The following IGF1R variants were observed in gnomAD, a reference collection of about 807,000 sequenced individuals.
IGF1R encodes insulin-like growth factor 1 receptor.
A neutral mutation model predicts 144.6 loss-of-function variants in IGF1R; 44 were observed. That is an observed-to-expected ratio of 0.30 (90% CI 0.24 to 0.39). The LOEUF (loss-of-function observed/expected upper bound fraction) is 0.39, where lower values mean the gene tolerates loss of function less well. Among genes scored for constraint, IGF1R ranks in the 10% least tolerant of loss-of-function variants. IGF1R has a pLI of 1.00. For missense variants in IGF1R, 1,355 were observed against 1,833.7 expected, an observed-to-expected ratio of 0.74 and a Z score of 4.77; for synonymous variants, 795 against 722.8, an observed-to-expected ratio of 1.10 and a Z score of -1.60.
rs532194947 is a variant in IGF1R, at chr15:98,787,591, G to A, written c.640+79484G>A. Among the ~76,000 whole-genome samples, 7 of 151,930 alleles carry A rather than the reference G, an allele frequency of 4.6e-5. No individual in the cohort carries two copies. In the South Asian group the frequency reaches 1.5e-3, roughly 32 times the overall value. On this transcript the variant is annotated intron_variant, in intron 2 of 20. Coordinates refer to ENST00000650285, the MANE Select transcript of IGF1R (RefSeq NM_000875.5). The stretch of plus-strand genomic sequence containing the variant: ...TTAAAACAGAGACCTCTCACCCTAG[G>A]TCTCTTAAAACAGAGACCTTAAAAC...
At chr15:98,867,133 CT>C (rs901848825) in intron 2 of IGF1R, among the ~76,000 whole-genome samples, 2 of 148,098 alleles carry the variant, frequency 1.4e-5, no homozygotes, top group African/African-American at 5.0e-5. Flanking sequence ...GTAAAACTTC[CT>C]TGTGCCAGGA....
chr15:98,746,692 G>A (rs2054874683), intron 2 of IGF1R, among the ~76,000 whole-genome samples: 1 of 152,178 alleles, frequency 6.6e-6, no homozygotes, highest in Non-Finnish European at 1.5e-5. Context: ...CATTGTTCAA[G>A]TCACAAGGTC....
intron 2 of IGF1R, among the ~76,000 whole-genome samples, chr15:98,822,725 GAAATAA>G (rs1003254200): frequency 2.0e-5 from 3 of 152,170 alleles, no homozygotes; most frequent in Non-Finnish European, 1.5e-5. Context: ...ATGGAAGACA[GAAATAA>G]AAATCAGAAT....
At chr15:98,789,755 CTG>C (rs2056087321) in intron 2 of IGF1R, among the ~76,000 whole-genome samples, 1 of 152,124 alleles carries the variant, frequency 6.6e-6, no homozygotes, top group Non-Finnish European at 1.5e-5. Flanking sequence ...TTCTTAAACT[CTG>C]TGACAGTGGA....
chr15:98,948,538 C>G (rs377197481), intron 19 of IGF1R, 36 bp from the exon 20 acceptor site: 2 of 1,611,546 alleles, frequency 1.2e-6, no homozygotes, highest in African/African-American at 2.7e-5. Flanking sequence ...CAGTCCATCC[C>G]TTTCCAAGCT....
chr15:98,733,693 C>A (rs540370985), intron 2 of IGF1R, among the ~76,000 whole-genome samples: 36 of 152,090 alleles, frequency 2.4e-4, no homozygotes, highest in Non-Finnish European at 5.3e-4. Flanking sequence ...AAGTGGTAGA[C>A]CTCCCCCCAC....
At chr15:98,742,906 G>T (rs2054779605) in intron 2 of IGF1R, among the ~76,000 whole-genome samples, 2 of 151,990 alleles carry the variant, frequency 1.3e-5, no homozygotes, top group Non-Finnish European at 2.9e-5. Context: ...GCTTGGTGGT[G>T]GGTGCCTGTA....
Position 98,719,966 on chromosome 15 carries a change from G to C in IGF1R, c.640+11859G>C, listed in dbSNP as rs137926876. On this transcript the variant is annotated intron_variant, in intron 2 of 20. Coordinates refer to ENST00000650285, the MANE Select transcript of IGF1R (RefSeq NM_000875.5). ...GTCATTAGAGAGAAATGGTAATTGGGATGATGCTCTGACCCCTTCAGCAAA... is the reference window on the plus strand; with the variant it reads ...GTCATTAGAGAGAAATGGTAATTGGCATGATGCTCTGACCCCTTCAGCAAA... 4.5e-3 allele frequency among the ~76,000 whole-genome samples: 678 copies of C among 152,334 alleles called. 5 individuals are homozygous for C. The highest frequency in any genetic ancestry group is 0.014 in the African/African-American group (581 of 41,564).
chr15:98,763,429 G>A (rs570615022), intron 2 of IGF1R, among the ~76,000 whole-genome samples: 3 of 151,864 alleles, frequency 2.0e-5, no homozygotes, highest in Admixed American at 1.3e-4. Flanking sequence ...AACAGTCACC[G>A]TGGTACACCT....
rs1413367928 is a variant in IGF1R, at chr15:98,891,242, A to C, written c.641-83A>C. On this transcript the variant is annotated intron_variant, in intron 2 of 20. Coordinates refer to ENST00000650285, the MANE Select transcript of IGF1R (RefSeq NM_000875.5). This position sits in a 1 kb window ranked among gnomAD's most constrained non-coding sequence, Gnocchi z 4.7. ...CTGGTGCTGGTGGTAGCAGTGAATG[A>C]CCCAGAAGGATGCTGGCCAGGCCCA... 1.5e-6 allele frequency: 2 copies of C among 1,295,352 alleles called. No individual in the cohort carries two copies. The highest frequency in any genetic ancestry group is 2.2e-6 in the Non-Finnish European group (2 of 917,636). The allele number at this position is 1,295,352 out of a possible 1,614,324, so 80.2% of individuals were successfully genotyped here. A position where few individuals can be genotyped will look rare whatever the true frequency, so the allele number is the denominator to read the frequency against.
chr15:98,948,933 G>A (rs985033954), intron 20 of IGF1R, among the ~76,000 whole-genome samples: 8 of 152,110 alleles, frequency 5.3e-5, no homozygotes, highest in Non-Finnish European at 8.8e-5. Context: ...TAATGCTTTC[G>A]TTCCGATTTG....
chr15:98,708,806 C>T (rs1266180522), intron 2 of IGF1R, among the ~76,000 whole-genome samples: 1 of 152,162 alleles, frequency 6.6e-6, no homozygotes, highest in African/African-American at 2.4e-5. Flanking sequence ...TTCTTTTATA[C>T]CTGTTTACTG....
intron 2 of IGF1R, among the ~76,000 whole-genome samples, chr15:98,761,015 A>G: frequency 6.6e-6 from 1 of 152,250 alleles, no homozygotes; most frequent in East Asian, 1.9e-4. Flanking sequence ...AGTTTAGCAC[A>G]GAGCTTTGTA....
In IGF1R at chr15:98,822,071, G is replaced by A. The variant is rs907047830; in HGVS notation, c.641-69254G>A. On this transcript the variant is annotated intron_variant, in intron 2 of 20. Transcript: ENST00000650285. Reference sequence around the variant, plus strand: ...GTGAGTCTAGGCAAGGCAAGTCAATGAGATTACAAGAAAAGAGATGTTAGG... The same window carrying A: ...GTGAGTCTAGGCAAGGCAAGTCAATAAGATTACAAGAAAAGAGATGTTAGG... 3.9e-5 allele frequency among the ~76,000 whole-genome samples: 6 copies of A among 152,194 alleles called. No homozygotes were observed. In the South Asian group the frequency reaches 1.0e-3, roughly 26 times the overall value.
At chr15:98,880,026 A>G (rs1376777602) in intron 2 of IGF1R, among the ~76,000 whole-genome samples, 1 of 152,178 alleles carries the variant, frequency 6.6e-6, no homozygotes, top group Non-Finnish European at 1.5e-5. Context: ...GGTGATGAAA[A>G]TATTGTTAAG....
At chr15:98,790,384 G>C (rs2141413999) in intron 2 of IGF1R, among the ~76,000 whole-genome samples, 1 of 152,348 alleles carries the variant, frequency 6.6e-6, no homozygotes, top group East Asian at 1.9e-4. Context: ...GGCAGTGCCA[G>C]ACCCTGCTTG....
intron 2 of IGF1R, among the ~76,000 whole-genome samples, chr15:98,800,211 G>A (rs1368435178): frequency 7.1e-6 from 1 of 141,586 alleles, no homozygotes; most frequent in Non-Finnish European, 1.6e-5. Flanking sequence ...TGGGAGGGCA[G>A]CTGTGGAAAA....
chr15:98,848,950 C>T (rs2011444170), intron 2 of IGF1R, among the ~76,000 whole-genome samples: 1 of 152,188 alleles, frequency 6.6e-6, no homozygotes, highest in Admixed American at 6.5e-5. Flanking sequence ...AGACATACCA[C>T]ATTTATTAGA....
At chr15:98,913,581 G>A (rs1008595569) in intron 8 of IGF1R, among the ~76,000 whole-genome samples, 1 of 152,300 alleles carries the variant, frequency 6.6e-6, no homozygotes, top group Middle Eastern at 3.4e-3. Context: ...GTCTTCAGCT[G>A]CCCTTGTTTC....
Sources: allele counts gnomAD v4.1 joint callset (sites outside exome capture counted in the v4.1 genomes callset), GRCh38; gene constraint gnomAD v4.1.1; non-coding constraint Gnocchi (gnomAD v3.1); transcripts MANE v1.5; gene names NCBI Gene and HGNC (gene_info 2026-07-23, HGNC 2026-07-21).